Variants in ATOH8 observed in about 807,000 individuals in gnomAD.
ATOH8 encodes atonal bHLH transcription factor 8, also known as transcription factor ATOH8.
Under a neutral mutation model 21.2 loss-of-function variants are expected in ATOH8, and 9 were observed. That is an observed-to-expected ratio of 0.42 (90% CI 0.26 to 0.74). The LOEUF is 0.74. Ranked by LOEUF, ATOH8 falls within the 30% of genes least tolerant of loss-of-function variation. The pLI is 0.24. For missense variants in ATOH8, 524 were observed against 470.9 expected (o/e 1.11, Z -1.04); for synonymous variants, 253 against 224.0 (o/e 1.13, Z -1.16).
rs1424330264 is a variant in ATOH8, at chr2:85,766,715, G to A, written c.960+2533G>A. On this transcript the variant is annotated intron_variant, in intron 2 of 2. Transcript: ENST00000306279. This position sits in a 1 kb window ranked among gnomAD's most constrained non-coding sequence, Gnocchi z 4.0. Reference sequence around the variant, plus strand: ...GACCCCTGGAGTCGCTGGAGCCTTCGAGCTCCCAGGCAGCCCTTCCAGGCA... The same window carrying A: ...GACCCCTGGAGTCGCTGGAGCCTTCAAGCTCCCAGGCAGCCCTTCCAGGCA... Among the ~76,000 whole-genome samples, 2 of 152,152 alleles carry A rather than the reference G, an allele frequency of 1.3e-5. No homozygotes were observed. Among genetic ancestry groups the A allele is most frequent in the Non-Finnish European group, 2.9e-5 (2 of 68,030 alleles).
rs13428557 is a variant in ATOH8, at chr2:85,788,166, C to T, written c.*1276C>T. ...TTGGTTTCTACCTACAGGTTGAGAG[C>T]CCTTCAGGATCAGGCGCTGTCCGAG... On this transcript the variant is annotated 3_prime_UTR_variant, in exon 3 of 3. Coordinates refer to ENST00000306279, the MANE Select transcript of ATOH8 (RefSeq NM_032827.7). 13,006 of 152,044 alleles carry T rather than the reference C, an allele frequency of 0.086. 636 individuals carry two copies. The highest frequency in any genetic ancestry group is 0.24 in the South Asian group (1,167 of 4,808). 9.4% of individuals were successfully genotyped at this position (152,044 alleles called of 1,614,324 possible).
chr2:85,770,793 C>T (rs577875393), intron 2 of ATOH8, among the ~76,000 whole-genome samples: 16 of 152,206 alleles, frequency 1.1e-4, no homozygotes, highest in African/African-American at 3.9e-4. Context: ...TGCCCCTTTC[C>T]TCCTCCTCTC....
At position 85,754,603 on chromosome 2, in the gene ATOH8, G is replaced by C. The variant is rs1679617051; in HGVS notation, c.414G>C (p.Gly138=). Residue 138 remains glycine, a synonymous_variant, in exon 1 of 3, where the codon GGG becomes GGC. Coordinates refer to ENST00000306279, the MANE Select transcript of ATOH8 (RefSeq NM_032827.7). ...CTGCGCCCCAGAGCCAGGCACCTGG[G>C]GGCCCAGAGGCACAGCCTTTCCGGG... ...PPPAPQSQAP[G]GPEAQPFREP... 6.8e-7 allele frequency: 1 copy of C among 1,481,264 alleles called. No individual in the cohort carries two copies. Among genetic ancestry groups the C allele is most frequent in the Non-Finnish European group, 8.9e-7 (1 of 1,123,732 alleles). The allele number at this position is 1,481,264 out of a possible 1,614,324, so 91.8% of individuals were successfully genotyped here.
rs1164179437 is a variant in ATOH8 at position 85,764,380 on chromosome 2, G to C, written c.960+198G>C. Reference sequence around the variant, plus strand: ...AGGTGTGTCTCTACTTCTGGTAACCGGCTGCTGGGTGACCTCGAACAGTCA... The same window carrying C: ...AGGTGTGTCTCTACTTCTGGTAACCCGCTGCTGGGTGACCTCGAACAGTCA... On this transcript the variant is annotated intron_variant, in intron 2 of 2. Coordinates refer to ENST00000306279, the MANE Select transcript of ATOH8 (RefSeq NM_032827.7). Among the ~76,000 whole-genome samples, 9 of 152,154 alleles carry C rather than the reference G, an allele frequency of 5.9e-5. No individual in the cohort carries two copies. The South Asian group carries it at 1.9e-3, about 32-fold the overall frequency.
chr2:85,770,445 G>C (rs990358275), intron 2 of ATOH8, among the ~76,000 whole-genome samples: 3 of 152,236 alleles, frequency 2.0e-5, no homozygotes, highest in African/African-American at 4.8e-5. Flanking sequence ...TGGGGAAAAG[G>C]GGGGTGGGTG....
intron 2 of ATOH8, among the ~76,000 whole-genome samples, chr2:85,772,087 G>A (rs1680198030): frequency 6.6e-6 from 1 of 152,264 alleles, no homozygotes; most frequent in African/African-American, 2.4e-5. Context: ...CAGAGCAACA[G>A]CTCTTATGTA....
At chr2:85,761,618 T>G in intron 1 of ATOH8, among the ~76,000 whole-genome samples, 1 of 152,174 alleles carries the variant, frequency 6.6e-6, no homozygotes, top group Non-Finnish European at 1.5e-5. Flanking sequence ...GAGCTGGGTC[T>G]TTAAGGGAAA....
At chr2:85,755,155 C>G (rs1029949234) in intron 1 of ATOH8, among the ~76,000 whole-genome samples, 198 bp downstream of exon 1, 1 of 152,242 alleles carries the variant, frequency 6.6e-6, no homozygotes, top group African/African-American at 2.4e-5. Context: ...TTGGTTATCT[C>G]TGGCCCGAGC....
rs1269141879 is a variant in ATOH8 at position 85,766,547 on chromosome 2, G to A, written c.960+2365G>A. On this transcript the variant is annotated intron_variant, in intron 2 of 2. Transcript: ENST00000306279. This position sits in a 1 kb window ranked among gnomAD's most constrained non-coding sequence, Gnocchi z 4.0. The stretch of plus-strand genomic sequence containing the variant: ...CTCAGGAAGCCCTGGCTGGCCCTGC[G>A]TCTCCCCATGGGGGCCGGTGTTCAT... 6.6e-6 allele frequency among the ~76,000 whole-genome samples: 1 copy of A among 152,134 alleles called. No individual in the cohort carries two copies. The highest frequency in any genetic ancestry group is 1.5e-5 in the Non-Finnish European group (1 of 68,030).
chr2:85,771,770 C>G (rs1323278385), intron 2 of ATOH8, among the ~76,000 whole-genome samples: 1 of 152,184 alleles, frequency 6.6e-6, no homozygotes, highest in Non-Finnish European at 1.5e-5. Context: ...GTGGTGAGTG[C>G]CATTGTGTCC....
intron 2 of ATOH8, among the ~76,000 whole-genome samples, chr2:85,765,713 C>T (rs1243956168): frequency 6.6e-6 from 1 of 152,228 alleles, no homozygotes; most frequent in African/African-American, 2.4e-5. Flanking sequence ...CCGCACCCTC[C>T]TCTTCACCCA....
rs1227599917 is a variant in ATOH8 at position 85,785,014 on chromosome 2, G to A, written c.961-1871G>A. ...TCAGGCCTTGGTGAGAGAAACCCCT[G>A]TCTCCTTTAATCCTGGATGGTAGCT... On this transcript the variant is annotated intron_variant, in intron 2 of 2. Transcript: ENST00000306279. The surrounding 1 kb of genome is among the most constrained non-coding windows in gnomAD (Gnocchi z 4.1). Among the ~76,000 whole-genome samples the A allele has an allele frequency of 6.6e-6, 1 of 152,260 alleles. No individual in the cohort carries two copies. Among genetic ancestry groups the A allele is most frequent in the Non-Finnish European group, 1.5e-5 (1 of 68,048 alleles).
intron 2 of ATOH8, among the ~76,000 whole-genome samples, chr2:85,770,179 A>C (rs1403521390): frequency 6.6e-6 from 1 of 151,508 alleles, no homozygotes; most frequent in Non-Finnish European, 1.5e-5. Flanking sequence ...CCTCTCACCA[A>C]CCCTTGAGGT....
chr2:85,765,309 AGG>A (rs1679981758), intron 2 of ATOH8, among the ~76,000 whole-genome samples: 1 of 152,048 alleles, frequency 6.6e-6, no homozygotes, highest in Non-Finnish European at 1.5e-5. Flanking sequence ...CCTTTCCAGC[AGG>A]CCCCTCTGTG....
Position 85,791,324 on chromosome 2 carries a change from G to A in ATOH8, c.*4434G>A, listed in dbSNP as rs1010864526. ...ATCCTCGAAACGGCTTTCTTGCAAA[G>A]TGTATATATTGGTTTCTTTGCTGAA... is the stretch of plus-strand genomic sequence containing the variant. On this transcript the variant is annotated 3_prime_UTR_variant, in exon 3 of 3. Transcript: ENST00000306279. 6.6e-6 allele frequency among the ~76,000 whole-genome samples: 1 copy of A among 152,224 alleles called. No individual in the cohort carries two copies. The highest frequency in any genetic ancestry group is 2.4e-5 in the African/African-American group (1 of 41,452).
chr2:85,764,070 C>G lies in ATOH8; in HGVS notation c.848C>G (p.Ala283Gly), dbSNP rs767268923. 6.2e-7 allele frequency: 1 copy of G among 1,614,186 alleles called. No homozygotes were observed. ...GCCTGTAACTACATCCTGTCCCTGG[C>G]GCGGCTGGCTGACCTTGACTACAGT... ...RIACNYILSL[A>G]RLADLDYSAD... The change falls in exon 2 of 3, where the codon GCG becomes GGG. Residue 283 changes from alanine to glycine, a missense_variant. Coordinates refer to ENST00000306279, the MANE Select transcript of ATOH8 (RefSeq NM_032827.7).
rs551383685 is a variant in ATOH8 at position 85,777,230 on chromosome 2, C to A, written c.961-9655C>A. On this transcript the variant is annotated intron_variant, in intron 2 of 2. Coordinates refer to ENST00000306279, the MANE Select transcript of ATOH8 (RefSeq NM_032827.7). ...GCATAAAAAATTCAGAGGAGGGCCC[C>A]TCGGTATGGTCTTTGGAGCCCACTG... Among the ~76,000 whole-genome samples, 10 of 152,250 alleles carry A rather than the reference C, an allele frequency of 6.6e-5. No homozygotes were observed. The South Asian group carries it at 1.9e-3, about 28-fold the overall frequency.
At chr2:85,757,138 G>A (rs1417519157) in intron 1 of ATOH8, among the ~76,000 whole-genome samples, 1 of 152,180 alleles carries the variant, frequency 6.6e-6, no homozygotes, top group Non-Finnish European at 1.5e-5. Context: ...TTTCCTCCTT[G>A]CCCTAGCCAT....
At chr2:85,755,912 T>G (rs1199973857) in intron 1 of ATOH8, among the ~76,000 whole-genome samples, 1 of 152,014 alleles carries the variant, frequency 6.6e-6, no homozygotes, top group Non-Finnish European at 1.5e-5. Context: ...TTTTTTTCTT[T>G]TTATTTGCAT....
Sources: gnomAD v4.1 joint callset for allele counts (sites outside exome capture counted in the v4.1 genomes callset) on GRCh38, gnomAD v4.1.1 for gene constraint, Gnocchi (gnomAD v3.1) non-coding constraint, MANE v1.5 for transcripts, NCBI Gene and HGNC (gene_info 2026-07-23, HGNC 2026-07-21) for gene names.